Variants in COL24A1 observed in about 807,000 individuals in gnomAD.
The protein encoded by COL24A1 is collagen alpha-1(XXIV) chain.
A neutral mutation model predicts 253.9 loss-of-function variants in COL24A1; 224 were observed. The observed-to-expected ratio is 0.88, with a 90% confidence interval of 0.79 to 0.99. The LOEUF (loss-of-function observed/expected upper bound fraction) is 0.99, where lower values mean the gene tolerates loss of function less well. Among genes scored for constraint, COL24A1 ranks in the 50% least tolerant of loss-of-function variants. The probability of loss-of-function intolerance (pLI) is 0.00; values close to 1 mark genes in which losing one functional copy is unlikely to be tolerated. For synonymous variants in COL24A1, 685 were observed against 673.7 expected, an observed-to-expected ratio of 1.02 and a Z score of -0.26; for missense variants, 2,131 against 2,068.5, an observed-to-expected ratio of 1.03 and a Z score of -0.59.
chr1:85,835,593 A>G (rs1362038547), intron 43 of COL24A1, among the ~76,000 whole-genome samples: 1 of 152,244 alleles, frequency 6.6e-6, no homozygotes, highest in East Asian at 1.9e-4. Flanking sequence ...AGTCATAAAG[A>G]CAATAAAATA....
chr1:85,757,859 A>AGTGAGGG (rs1234579255), intron 55 of COL24A1, among the ~76,000 whole-genome samples: 1 of 152,194 alleles, frequency 6.6e-6, no homozygotes, highest in Non-Finnish European at 1.5e-5. Flanking sequence ...CATTAAGTGC[A>AGTGAGGG]GTGAGGGGAT....
intron 24 of COL24A1, among the ~76,000 whole-genome samples, chr1:85,924,184 T>C (rs568831741): frequency 6.6e-6 from 1 of 152,152 alleles, no homozygotes; most frequent in Non-Finnish European, 1.5e-5. Flanking sequence ...ATTAATAGCC[T>C]ACCAACCAAA....
At chr1:85,858,650 TCC>T (rs1297216600) in intron 37 of COL24A1, among the ~76,000 whole-genome samples, 2 of 148,862 alleles carry the variant, frequency 1.3e-5, no homozygotes, top group African/African-American at 2.5e-5. Context: ...CTTCCTTCCT[TCC>T]TTCCTTCCTT....
intron 23 of COL24A1, among the ~76,000 whole-genome samples, chr1:85,964,401 C>T (rs1358825415): frequency 1.3e-5 from 2 of 152,156 alleles, no homozygotes; most frequent in East Asian, 1.9e-4. Flanking sequence ...CTTAGACTCA[C>T]TGTTTACTAG....
rs569000507 is a variant in COL24A1 at position 85,799,242 on chromosome 1, A to T, written c.3952-12781T>A. ...AAGAAAGAAAGAAAGAAAGAAAGAAAGAAAGAAAAGAAAAGAACATTGTTT... is the reference window on the plus strand; with the variant it reads ...AAGAAAGAAAGAAAGAAAGAAAGAATGAAAGAAAAGAAAAGAACATTGTTT... On this transcript the variant is annotated intron_variant, in intron 47 of 59. Coordinates refer to ENST00000370571, the MANE Select transcript of COL24A1 (RefSeq NM_152890.7). 2.2e-3 allele frequency among the ~76,000 whole-genome samples: 328 copies of T among 151,138 alleles called. 5 individuals are homozygous for T. The highest frequency in any genetic ancestry group is 7.6e-3 in the African/African-American group (314 of 41,198).
Position 85,874,697 on chromosome 1 carries a change from A to T in COL24A1, c.3090T>A (p.Asp1030Glu), listed in dbSNP as rs1010175052. 1 of 1,612,316 alleles carries T rather than the reference A, an allele frequency of 6.2e-7. No individual in the cohort carries two copies. Among genetic ancestry groups the T allele is most frequent in the South Asian group, 1.1e-5 (1 of 90,990 alleles). Reference protein sequence around the residue: ...GLQGEPGAKGDVGTAGSVGGT... With the variant: ...GLQGEPGAKGEVGTAGSVGGT... ...CTCCAACACTGCCAGCAGTTCCAAC[A>T]TCTCCCTGAAGAAACAAAGGGAAAG... Residue 1030 changes from aspartate to glutamate, a missense_variant, in exon 35 of 60, where the codon GAT becomes GAA. Coordinates refer to ENST00000370571, the MANE Select transcript of COL24A1 (RefSeq NM_152890.7).
At chr1:86,102,614 T>G (rs998232964) in intron 5 of COL24A1, among the ~76,000 whole-genome samples, 7 of 152,212 alleles carry the variant, frequency 4.6e-5, no homozygotes, top group African/African-American at 1.7e-4. Flanking sequence ...ACTTCTTCAC[T>G]CCTGCCTTAA....
At chr1:86,124,803 T>C in intron 3 of COL24A1, 42 bp downstream of exon 3, 1 of 1,413,914 alleles carries the variant, frequency 7.1e-7, no homozygotes, top group Non-Finnish European at 9.4e-7. Flanking sequence ...GTTTAAAATG[T>C]AAGTTAGCAT....
intron 59 of COL24A1, among the ~76,000 whole-genome samples, chr1:85,733,592 T>G (rs1663735806): frequency 6.6e-6 from 1 of 152,108 alleles, no homozygotes; most frequent in Non-Finnish European, 1.5e-5. Context: ...ATTTTTTTTT[T>G]TTTTTGAGAT....
intron 52 of COL24A1, among the ~76,000 whole-genome samples, chr1:85,780,705 T>C (rs1353447489): frequency 6.6e-6 from 1 of 152,162 alleles, no homozygotes; most frequent in African/African-American, 2.4e-5. Flanking sequence ...TTAAGGAACA[T>C]TATTATTAAA....
At chr1:86,134,988 C>T (rs1320772167) in intron 2 of COL24A1, among the ~76,000 whole-genome samples, 1 of 151,278 alleles carries the variant, frequency 6.6e-6, no homozygotes, top group Non-Finnish European at 1.5e-5. Flanking sequence ...GAGTCTAAGT[C>T]TCTTTGTAGG....
At chr1:85,825,409 C>T (rs939006113) in intron 43 of COL24A1, among the ~76,000 whole-genome samples, 1 of 152,156 alleles carries the variant, frequency 6.6e-6, no homozygotes, top group African/African-American at 2.4e-5. Context: ...TTTATAGCAG[C>T]ATGATTTATA....
chr1:85,990,192 G>C (rs1694123257), intron 19 of COL24A1, among the ~76,000 whole-genome samples: 2 of 151,990 alleles, frequency 1.3e-5, no homozygotes, highest in Admixed American at 6.6e-5. Context: ...CTCAGTACTG[G>C]CTTTCAGCCA....
At chr1:85,926,026 C>T (rs1342002756) in intron 24 of COL24A1, among the ~76,000 whole-genome samples, 2 of 152,138 alleles carry the variant, frequency 1.3e-5, no homozygotes, top group Non-Finnish European at 2.9e-5. Flanking sequence ...TATGAACAGA[C>T]ACTTCTCAAA....
intron 19 of COL24A1, among the ~76,000 whole-genome samples, chr1:85,989,024 A>G (rs1205161610): frequency 6.6e-6 from 1 of 152,100 alleles, no homozygotes; most frequent in South Asian, 2.1e-4. Flanking sequence ...CACCTATGCT[A>G]TTATTTGTAT....
chr1:86,104,554 T>C (rs1202526236), intron 5 of COL24A1, among the ~76,000 whole-genome samples: 2 of 152,202 alleles, frequency 1.3e-5, no homozygotes, highest in African/African-American at 2.4e-5. Flanking sequence ...TGGTTTGTTT[T>C]TCTTTTATCC....
chr1:85,811,717 T>C (rs1570715338), intron 47 of COL24A1, among the ~76,000 whole-genome samples: 2 of 152,240 alleles, frequency 1.3e-5, no homozygotes, highest in South Asian at 2.1e-4. Context: ...AGTGATGTTA[T>C]ATATCCTTCC....
intron 24 of COL24A1, among the ~76,000 whole-genome samples, chr1:85,926,020 A>T (rs1687162329): frequency 6.6e-6 from 1 of 152,238 alleles, no homozygotes; most frequent in Non-Finnish European, 1.5e-5. Flanking sequence ...AAAGGATATG[A>T]ACAGACACTT....
intron 39 of COL24A1, among the ~76,000 whole-genome samples, chr1:85,844,661 T>C (rs1570887951): frequency 6.6e-6 from 1 of 151,602 alleles, no homozygotes; most frequent in Non-Finnish European, 1.5e-5. Flanking sequence ...AAGAAGAACA[T>C]AACCAAAGGA....
Sources: allele counts gnomAD v4.1 joint callset (sites outside exome capture counted in the v4.1 genomes callset), GRCh38; gene constraint gnomAD v4.1.1; transcripts MANE v1.5; gene names NCBI Gene and HGNC (gene_info 2026-07-23, HGNC 2026-07-21).